HERC6: variants seen among roughly 807,000 people sequenced by gnomAD.
HERC6 encodes the protein probable E3 ubiquitin-protein ligase HERC6.
In HERC6, 101 loss-of-function variants were observed where a neutral mutation model predicts 114.5. The ratio of observed to expected loss-of-function variants is 0.88; its 90% confidence interval spans 0.75 to 1.04. The LOEUF (loss-of-function observed/expected upper bound fraction) is 1.04. Ranked by LOEUF, HERC6 falls within the 50% of genes least tolerant of loss-of-function variation. The probability of loss-of-function intolerance (pLI) is 0.00; values close to 1 mark genes in which losing one functional copy is unlikely to be tolerated. For synonymous variants in HERC6, 408 were observed against 436.2 expected (o/e 0.94, Z 0.81); for missense variants, 1,133 against 1,230.9 (o/e 0.92, Z 1.19).
chr4:88,422,073 C>G lies in HERC6; in HGVS notation c.1714-1787C>G, dbSNP rs1385619899. Among the ~76,000 whole-genome samples the G allele has an allele frequency of 3.9e-5, 6 of 152,072 alleles. 1 individual carries two copies. The highest frequency in any genetic ancestry group is 7.4e-5 in the Non-Finnish European group (5 of 68,000). On this transcript the variant is annotated intron_variant, in intron 13 of 22. Coordinates refer to ENST00000264346, the MANE Select transcript of HERC6 (RefSeq NM_017912.4). ...TGTTTTTTCACTTTCACCATGGTGT[C>G]TTTATGCACAAATGTTTTTTATTTT... is the stretch of plus-strand genomic sequence containing the variant.
intron 6 of HERC6, 107 bp downstream of exon 6, chr4:88,396,249 C>T (rs888642260): frequency 8.7e-6 from 8 of 918,182 alleles, no homozygotes; most frequent in Admixed American, 7.2e-5. Context: ...AAATTCCTGC[C>T]TGAAAATTTA....
intron 18 of HERC6, among the ~76,000 whole-genome samples, chr4:88,436,181 T>C (rs1738716694): frequency 6.6e-6 from 1 of 152,168 alleles, no homozygotes. Context: ...TATATGTGCA[T>C]CATCACACAT....
In HERC6 at chr4:88,424,492, A is replaced by C; in HGVS notation, c.1828-103A>C. The C allele has an allele frequency of 4.7e-6, 4 of 849,110 alleles. No homozygotes were observed. The South Asian group carries it at 6.2e-5, about 13-fold the overall frequency. 52.6% of individuals were successfully genotyped at this position (849,110 alleles called of 1,614,324 possible). A position where few individuals can be genotyped will look rare whatever the true frequency, so the allele number is the denominator to read the frequency against. On this transcript the variant is annotated intron_variant, in intron 14 of 22. Coordinates refer to ENST00000264346, the MANE Select transcript of HERC6 (RefSeq NM_017912.4). ...AGACTCTGCCTTAAAAAAACAAAGA[A>C]CCACAAAAACCAGATTCCAAAAAAA... is the stretch of plus-strand genomic sequence containing the variant.
intron 10 of HERC6, among the ~76,000 whole-genome samples, chr4:88,408,209 G>T (rs1735902936): frequency 6.6e-6 from 1 of 152,078 alleles, no homozygotes. Context: ...GGTAGTTCTA[G>T]TTCTTAGTGT....
intron 3 of HERC6, among the ~76,000 whole-genome samples, chr4:88,389,075 A>G (rs1006168150): frequency 2.0e-5 from 3 of 152,164 alleles, no homozygotes; most frequent in Non-Finnish European, 1.5e-5. Flanking sequence ...TCAAAAGGTG[A>G]CATATGAGCA....
At chr4:88,422,596 C>A (rs572701033) in intron 13 of HERC6, among the ~76,000 whole-genome samples, 28 of 120,838 alleles carry the variant, frequency 2.3e-4, no homozygotes, top group South Asian at 2.7e-4. Context: ...AGTAACACAG[C>A]CTGCTCATGT....
intron 13 of HERC6, among the ~76,000 whole-genome samples, chr4:88,419,174 T>A (rs1736791810): frequency 6.6e-6 from 1 of 152,168 alleles, no homozygotes; most frequent in Non-Finnish European, 1.5e-5. Context: ...TCTGTCTATA[T>A]CAGAATATTT....
chr4:88,424,457 C>T, intron 14 of HERC6, 138 bp from the exon 15 acceptor site: 1 of 672,506 alleles, frequency 1.5e-6, no homozygotes, highest in Non-Finnish European at 2.6e-6. Context: ...CCAGCCTGGG[C>T]AATAGAACAA....
At chr4:88,403,471 T>G (rs543568957) in intron 8 of HERC6, among the ~76,000 whole-genome samples, 1 of 152,264 alleles carries the variant, frequency 6.6e-6, no homozygotes, top group African/African-American at 2.4e-5. Context: ...AGAACCCAGA[T>G]AGGCCGGGCG....
Position 88,442,703 on chromosome 4 carries a change from G to C in HERC6, c.*243G>C. On this transcript the variant is annotated 3_prime_UTR_variant, in exon 23 of 23. Coordinates refer to ENST00000264346, the MANE Select transcript of HERC6 (RefSeq NM_017912.4). ...TGGACACACTCCCTGGCACTGAAGA[G>C]TCTGAACACTGGCCTGTGATTGGTC... The C allele has an allele frequency of 3.7e-6, 2 of 537,834 alleles. No homozygotes were observed. The highest frequency in any genetic ancestry group is 2.2e-5 in the South Asian group (1 of 46,064). 33.3% of individuals were successfully genotyped at this position (537,834 alleles called of 1,614,324 possible).
chr4:88,391,635 C>T (rs1734923890), intron 4 of HERC6, among the ~76,000 whole-genome samples: 1 of 152,224 alleles, frequency 6.6e-6, no homozygotes, highest in African/African-American at 2.4e-5. Context: ...AGAGACCTCA[C>T]AGTTGATGCC....
At chr4:88,431,966 A>C (rs1738263637) in intron 17 of HERC6, among the ~76,000 whole-genome samples, 1 of 152,230 alleles carries the variant, frequency 6.6e-6, no homozygotes, top group Non-Finnish European at 1.5e-5. Context: ...ACTGCTTCTC[A>C]AAATTTAGGA....
intron 20 of HERC6, 136 bp from the exon 21 acceptor site, chr4:88,439,738 A>G (rs1739138396): frequency 3.9e-6 from 3 of 777,744 alleles, no homozygotes; most frequent in African/African-American, 3.6e-5. Context: ...GTCACAATAC[A>G]ACATTCTTGT....
At chr4:88,398,410 A>C (rs897682764) in intron 8 of HERC6, 16 of 405,924 alleles carry the variant, frequency 3.9e-5, no homozygotes, top group Admixed American at 1.3e-4. Context: ...AGACCCCCCC[A>C]CCACCACCAT....
At chr4:88,437,019 T>TA (rs1738825739) in intron 19 of HERC6, 48 bp downstream of exon 19, 2 of 1,348,126 alleles carry the variant, frequency 1.5e-6, no homozygotes, top group South Asian at 1.4e-5. Flanking sequence ...AATCTGTTTC[T>TA]AAAAAATAAT....
At chr4:88,383,944 A>G (rs1734449861) in intron 2 of HERC6, among the ~76,000 whole-genome samples, 1 of 152,056 alleles carries the variant, frequency 6.6e-6, no homozygotes. Context: ...TTGGAATATA[A>G]CTGTGGGGGC....
chr4:88,411,243 G>T (rs1189050811), intron 11 of HERC6, among the ~76,000 whole-genome samples: 1 of 152,104 alleles, frequency 6.6e-6, no homozygotes, highest in Non-Finnish European at 1.5e-5. Context: ...TAAGTTCCAA[G>T]GGACATTAGT....
intron 6 of HERC6, 139 bp downstream of exon 6, chr4:88,396,281 T>A (rs1015886926): frequency 3.5e-6 from 2 of 574,672 alleles, no homozygotes; most frequent in Admixed American, 4.3e-5. Context: ...TATAGTTTAA[T>A]TTTTCAGTTT....
chr4:88,442,168 T>G (rs1035013280), intron 22 of HERC6, 66 bp from the exon 23 acceptor site: 6 of 1,150,430 alleles, frequency 5.2e-6, no homozygotes, highest in Non-Finnish European at 7.6e-6. Context: ...AGTGATTAAT[T>G]TCTTCCTTTT....
Sources: gnomAD v4.1 joint callset for allele counts (sites outside exome capture counted in the v4.1 genomes callset) on GRCh38, gnomAD v4.1.1 for gene constraint, MANE v1.5 for transcripts, NCBI Gene and HGNC (gene_info 2026-07-23, HGNC 2026-07-21) for gene names.